SNCAIP: variants seen among roughly 807,000 people sequenced by gnomAD.
The protein encoded by SNCAIP is synphilin-1.
Under a neutral mutation model 86.7 loss-of-function variants are expected in SNCAIP, and 43 were observed. The ratio of observed to expected loss-of-function variants is 0.50; its 90% confidence interval spans 0.39 to 0.64. The LOEUF is 0.64. Ranked by LOEUF, SNCAIP falls within the 30% of genes least tolerant of loss-of-function variation. The pLI is 0.00. For missense variants in SNCAIP, 981 were observed against 1,103.1 expected (o/e 0.89, Z 1.57); for synonymous variants, 417 against 427.2 (o/e 0.98, Z 0.29).
intron 1 of SNCAIP, among the ~76,000 whole-genome samples, chr5:122,352,396 G>A (rs768218693): frequency 6.6e-6 from 1 of 152,028 alleles, no homozygotes; most frequent in Admixed American, 6.5e-5. Context: ...CACTCCTTTG[G>A]CTAAGTTATC....
chr5:122,421,967 C>G (rs1299149205), intron 3 of SNCAIP, among the ~76,000 whole-genome samples: 1 of 141,066 alleles, frequency 7.1e-6, no homozygotes, highest in Non-Finnish European at 1.5e-5. Flanking sequence ...TACTCAAATG[C>G]AAACCAACAC....
In SNCAIP at chr5:122,333,345, G is replaced by A. The variant is rs776730423; in HGVS notation, c.-47+21061G>A. 2.6e-5 allele frequency among the ~76,000 whole-genome samples: 4 copies of A among 152,140 alleles called. No homozygotes were observed. The East Asian group carries it at 7.7e-4, about 29-fold the overall frequency. On this transcript the variant is annotated intron_variant, in intron 1 of 10. Transcript: ENST00000261368. ...GACTATAAAAATGTCACATTATTAC[G>A]GAACCTATTTGTTGGTTAGGTATTT...
At chr5:122,356,791 G>A (rs1346392130) in intron 1 of SNCAIP, among the ~76,000 whole-genome samples, 1 of 152,108 alleles carries the variant, frequency 6.6e-6, no homozygotes, top group Non-Finnish European at 1.5e-5. Context: ...CCCTCATCCT[G>A]AGTCTGCCCG....
intron 1 of SNCAIP, among the ~76,000 whole-genome samples, chr5:122,348,179 A>C (rs1759008442): frequency 6.6e-6 from 1 of 152,166 alleles, no homozygotes; most frequent in Non-Finnish European, 1.5e-5. Flanking sequence ...TACAACTTGA[A>C]AATGTTCAGT....
chr5:122,437,957 C>T (rs993021520), intron 6 of SNCAIP, among the ~76,000 whole-genome samples: 1 of 152,122 alleles, frequency 6.6e-6, no homozygotes, highest in Non-Finnish European at 1.5e-5. Flanking sequence ...AAAACTAAAG[C>T]ACTGTGATTT....
At chr5:122,441,691 T>TG (rs1780965912) in intron 7 of SNCAIP, among the ~76,000 whole-genome samples, 2 of 152,112 alleles carry the variant, frequency 1.3e-5, no homozygotes, top group African/African-American at 4.8e-5. Flanking sequence ...GGAGTATATG[T>TG]GAACATAAGA....
intron 1 of SNCAIP, among the ~76,000 whole-genome samples, chr5:122,375,934 A>T (rs899474801): frequency 6.6e-6 from 1 of 152,040 alleles, no homozygotes; most frequent in Non-Finnish European, 1.5e-5. Flanking sequence ...TTAAGTGCAG[A>T]TGTAGCCAAA....
intron 1 of SNCAIP, among the ~76,000 whole-genome samples, chr5:122,378,056 G>A (rs1273456914): frequency 1.5e-4 from 21 of 143,988 alleles, no homozygotes; most frequent in Non-Finnish European, 1.2e-4. Context: ...TATATACCCA[G>A]TAATGGGATG....
At chr5:122,356,851 A>G (rs1761112393) in intron 1 of SNCAIP, among the ~76,000 whole-genome samples, 1 of 152,146 alleles carries the variant, frequency 6.6e-6, no homozygotes, top group Admixed American at 6.5e-5. Context: ...GGACCGATGC[A>G]CCACCCTCCT....
chr5:122,317,027 G>C (rs980860779), intron 1 of SNCAIP, among the ~76,000 whole-genome samples: 2 of 152,146 alleles, frequency 1.3e-5, no homozygotes, highest in Admixed American at 6.5e-5. Context: ...TTGAACGAGT[G>C]GATGTGCCAT....
At chr5:122,403,306 A>G (rs1196955930) in intron 2 of SNCAIP, among the ~76,000 whole-genome samples, 2 of 152,188 alleles carry the variant, frequency 1.3e-5, no homozygotes, top group Non-Finnish European at 2.9e-5. Flanking sequence ...GCAAGTGGCA[A>G]CATTAGGAAC....
chr5:122,429,253 A>G (rs1251152029), intron 5 of SNCAIP, among the ~76,000 whole-genome samples: 2 of 151,770 alleles, frequency 1.3e-5, no homozygotes, highest in African/African-American at 4.8e-5. Context: ...CTTCAAATTA[A>G]TAGCCTAATT....
intron 2 of SNCAIP, among the ~76,000 whole-genome samples, chr5:122,396,703 T>G (rs1414327066): frequency 6.6e-6 from 1 of 152,190 alleles, no homozygotes; most frequent in East Asian, 1.9e-4. Flanking sequence ...AAGCACATTA[T>G]GAAGTCAGGT....
At chr5:122,451,715 A>T (rs1561809815) in intron 10 of SNCAIP, 114 bp downstream of exon 10, 2 of 782,286 alleles carry the variant, frequency 2.6e-6, no homozygotes, top group African/African-American at 3.5e-5. Context: ...AAAAAAAAAA[A>T]TCCAAAGGGA....
At chr5:122,346,937 G>A (rs1758726580) in intron 1 of SNCAIP, among the ~76,000 whole-genome samples, 1 of 151,618 alleles carries the variant, frequency 6.6e-6, no homozygotes, top group African/African-American at 2.4e-5. Context: ...TTAATGATAT[G>A]GATACAATTA....
At chr5:122,344,021 G>A (rs542987474) in intron 1 of SNCAIP, among the ~76,000 whole-genome samples, 41 of 151,878 alleles carry the variant, frequency 2.7e-4, no homozygotes, top group South Asian at 1.0e-3. Flanking sequence ...TGCCTTCCAC[G>A]GCTACTGTAT....
chr5:122,453,885 G>A (rs934641494), intron 10 of SNCAIP, among the ~76,000 whole-genome samples: 18 of 150,580 alleles, frequency 1.2e-4, no homozygotes, highest in Non-Finnish European at 2.4e-4. Flanking sequence ...TCAGCCTCCC[G>A]AGTAGCTGGG....
chr5:122,397,665 G>GA (rs1414458853), intron 2 of SNCAIP, among the ~76,000 whole-genome samples: 2 of 152,154 alleles, frequency 1.3e-5, no homozygotes, highest in Non-Finnish European at 2.9e-5. Flanking sequence ...ATAGAGGTAT[G>GA]AAAGTGTGGA....
chr5:122,329,583 A>C (rs1229072218), intron 1 of SNCAIP, among the ~76,000 whole-genome samples: 1 of 152,210 alleles, frequency 6.6e-6, no homozygotes, highest in Non-Finnish European at 1.5e-5. Flanking sequence ...ACAGCCCAGC[A>C]TATGTTTGTT....
Sources: allele counts gnomAD v4.1 joint callset (sites outside exome capture counted in the v4.1 genomes callset), GRCh38; gene constraint gnomAD v4.1.1; transcripts MANE v1.5; gene names NCBI Gene and HGNC (gene_info 2026-07-23, HGNC 2026-07-21).